The following FANCL variants were observed in gnomAD, a reference collection of about 807,000 sequenced individuals.
The protein encoded by FANCL is E3 ubiquitin-protein ligase FANCL.
Under a neutral mutation model 59.4 loss-of-function variants are expected in FANCL, and 69 were observed. That is an observed-to-expected ratio of 1.16 (90% confidence interval 0.96 to 1.42). The LOEUF (loss-of-function observed/expected upper bound fraction) is 1.42. FANCL is among the 40% of genes most tolerant of loss of function. FANCL has a pLI of 0.00. For synonymous variants in FANCL, 180 were observed against 147.1 expected, an observed-to-expected ratio of 1.22 and a Z score of -1.62; for missense variants, 519 against 447.2, an observed-to-expected ratio of 1.16 and a Z score of -1.45.
At chr2:58,204,526 A>C (rs1266520718) in intron 5 of FANCL, among the ~76,000 whole-genome samples, 1 of 152,120 alleles carries the variant, frequency 6.6e-6, no homozygotes, top group East Asian at 1.9e-4. Context: ...TGGCACACAC[A>C]GCATGTTCCT....
chr2:58,172,117 C>G (rs1018822424), intron 7 of FANCL, among the ~76,000 whole-genome samples: 2 of 152,240 alleles, frequency 1.3e-5, no homozygotes, highest in African/African-American at 4.8e-5. Context: ...TGGGTGGAGC[C>G]CACCACAGCT....
At chr2:58,200,156 T>C (rs950005085) in intron 6 of FANCL, among the ~76,000 whole-genome samples, 2 of 151,882 alleles carry the variant, frequency 1.3e-5, no homozygotes, top group Non-Finnish European at 2.9e-5. Context: ...GGAAGTTCTA[T>C]TTCAGACAAT....
chr2:58,200,246 C>G (rs776455775), intron 6 of FANCL, among the ~76,000 whole-genome samples: 2 of 152,074 alleles, frequency 1.3e-5, no homozygotes, highest in South Asian at 2.1e-4. Context: ...ATTTAAAAAT[C>G]GTGATTATCT....
chr2:58,160,119 A>G lies in FANCL; in HGVS notation c.1081T>C (p.Tyr361His). Residue 361 changes from tyrosine to histidine, a missense_variant, in exon 13 of 14, where the codon TAT becomes CAT. Transcript: ENST00000233741. ...SFNIIFGECP[Y>H]CSKPITLKMS... The stretch of plus-strand genomic sequence containing the variant: ...AACAATTTGCTTACCTTACTACAAT[A>G]TGGACATTCACCAAATATGATGTTA... The G allele has an allele frequency of 6.2e-7, 1 of 1,612,688 alleles. No homozygotes were observed. The highest frequency in any genetic ancestry group is 8.5e-7 in the Non-Finnish European group (1 of 1,178,906).
chr2:58,170,375 T>C (rs1686451294), intron 7 of FANCL, among the ~76,000 whole-genome samples: 1 of 151,974 alleles, frequency 6.6e-6, no homozygotes, highest in Non-Finnish European at 1.5e-5. Flanking sequence ...TTACAAGAGC[T>C]CCTGAAGGAC....
chr2:58,220,890 T>C (rs184500895), intron 5 of FANCL, among the ~76,000 whole-genome samples: 15 of 152,296 alleles, frequency 9.8e-5, no homozygotes, highest in Non-Finnish European at 2.1e-4. Context: ...AATAAATGAA[T>C]ACTAAAATAC....
Position 58,159,250 on chromosome 2 carries a change from T to C in FANCL, c.*515A>G. 3 of 912,626 alleles carry C rather than the reference T, an allele frequency of 3.3e-6. No homozygotes were observed. Among genetic ancestry groups the C allele is most frequent in the Non-Finnish European group, 4.9e-6 (3 of 613,064 alleles). The allele number at this position is 912,626 out of a possible 1,614,324, so 56.5% of individuals were successfully genotyped here. ...AAAATAACACGCAAAAACTTGATCT[T>C]GTATAACATTTTATTTAGCATTCTT... On this transcript the variant is annotated 3_prime_UTR_variant, in exon 14 of 14. Coordinates refer to ENST00000233741, the MANE Select transcript of FANCL (RefSeq NM_018062.4).
Position 58,198,646 on chromosome 2 carries a change from G to T in FANCL, c.488C>A (p.Pro163Gln), listed in dbSNP as rs770063294. The T allele has an allele frequency of 6.2e-7, 1 of 1,613,596 alleles. No individual in the cohort carries two copies. Among genetic ancestry groups the T allele is most frequent in the Non-Finnish European group, 8.5e-7 (1 of 1,179,596 alleles). ...KLKAKYPAES[P>Q]DYFVDFPVPF... ...AACAGGAAAATCCACAAAATAATCT[G>T]GTGATTCTGCAGGATACTATTAAAA... Residue 163 changes from proline (P) to glutamine (Q), a missense_variant, in exon 7 of 14, where the codon CCA becomes CAA. Coordinates refer to ENST00000233741, the MANE Select transcript of FANCL (RefSeq NM_018062.4).
intron 7 of FANCL, among the ~76,000 whole-genome samples, chr2:58,169,281 C>G (rs900853842): frequency 6.6e-6 from 1 of 152,150 alleles, no homozygotes; most frequent in African/African-American, 2.4e-5. Context: ...TGGAGTGGAC[C>G]TCCAGCAAAA....
chr2:58,170,723 A>G (rs1028522362), intron 7 of FANCL, among the ~76,000 whole-genome samples: 1 of 152,096 alleles, frequency 6.6e-6, no homozygotes, highest in South Asian at 2.1e-4. Flanking sequence ...GGTTTGCAAT[A>G]CCAGTATCTG....
intron 6 of FANCL, among the ~76,000 whole-genome samples, chr2:58,202,703 G>A (rs1690165086): frequency 6.6e-6 from 1 of 151,770 alleles, no homozygotes; most frequent in African/African-American, 2.4e-5. Flanking sequence ...ATAGAAAAAA[G>A]CAGACAAAAT....
chr2:58,173,952 C>T (rs1400349557), intron 7 of FANCL, among the ~76,000 whole-genome samples: 1 of 151,762 alleles, frequency 6.6e-6, no homozygotes, highest in Non-Finnish European at 1.5e-5. Flanking sequence ...ATCTACCAAG[C>T]AAATGGAAAA....
Position 58,234,209 on chromosome 2 carries a change from A to G in FANCL, c.97-2097T>C, listed in dbSNP as rs1693819692. Among the ~76,000 whole-genome samples, 3 of 152,214 alleles carry G rather than the reference A, an allele frequency of 2.0e-5. No homozygotes were observed. The South Asian group carries it at 6.2e-4, about 32-fold the overall frequency. ...CATGCAAACAAAACCCAGAAACCAT[A>G]AACAAATTATAATAATAAATGAAAT... On this transcript the variant is annotated intron_variant, in intron 1 of 13. Coordinates refer to ENST00000233741, the MANE Select transcript of FANCL (RefSeq NM_018062.4).
intron 4 of FANCL, among the ~76,000 whole-genome samples, chr2:58,224,612 A>T (rs1692800949): frequency 6.6e-6 from 1 of 151,924 alleles, no homozygotes; most frequent in Admixed American, 6.6e-5. Flanking sequence ...GCTGCTAGGA[A>T]TAAAATGGTC....
intron 7 of FANCL, among the ~76,000 whole-genome samples, chr2:58,174,825 C>G (rs940433396): frequency 6.6e-6 from 1 of 152,100 alleles, no homozygotes; most frequent in Admixed American, 6.5e-5. Flanking sequence ...ACAAAAGACC[C>G]TTCAAAAAAT....
chr2:58,219,209 CAAT>C (rs1692228050), intron 5 of FANCL, among the ~76,000 whole-genome samples: 1 of 88,306 alleles, frequency 1.1e-5, no homozygotes, highest in African/African-American at 4.4e-5. Flanking sequence ...TATATATCCA[CAAT>C]GATGAGGCCT....
chr2:58,236,082 T>C (rs1443508093), intron 1 of FANCL, among the ~76,000 whole-genome samples: 1 of 145,902 alleles, frequency 6.9e-6, no homozygotes, highest in Admixed American at 6.8e-5. Flanking sequence ...GAAAAAATAA[T>C]GGCAGATGTT....
intron 7 of FANCL, among the ~76,000 whole-genome samples, chr2:58,191,051 A>G (rs180872793): frequency 1.4e-4 from 21 of 151,906 alleles, no homozygotes; most frequent in African/African-American, 3.9e-4. Flanking sequence ...ATGAAGGTTT[A>G]AAACTTATAA....
At chr2:58,193,367 G>T (rs1048439335) in intron 7 of FANCL, among the ~76,000 whole-genome samples, 6 of 151,944 alleles carry the variant, frequency 3.9e-5, no homozygotes, top group Non-Finnish European at 8.8e-5. Context: ...TTAGTTGCTT[G>T]TATTTTTCCT....
Sources: gnomAD v4.1 joint callset for allele counts (sites outside exome capture counted in the v4.1 genomes callset) on GRCh38, gnomAD v4.1.1 for gene constraint, MANE v1.5 for transcripts, NCBI Gene and HGNC (gene_info 2026-07-23, HGNC 2026-07-21) for gene names.